PARD3: variants seen among roughly 807,000 people sequenced by gnomAD.
PARD3 encodes the protein partitioning defective 3 homolog.
A neutral mutation model predicts 155.4 loss-of-function variants in PARD3; 75 were observed. The observed-to-expected ratio is 0.48, with a 90% CI of 0.40 to 0.58. The LOEUF is 0.58. PARD3 is among the 20% of genes least tolerant of loss of function. The pLI, the probability that PARD3 is intolerant of heterozygous loss-of-function variation, is 0.00. For synonymous variants in PARD3, 576 were observed against 610.5 expected, an observed-to-expected ratio of 0.94 and a Z score of 0.83; for missense variants, 1,642 against 1,721.7, an observed-to-expected ratio of 0.95 and a Z score of 0.82.
chr10:34,794,195 T>C lies in PARD3; in HGVS notation c.120+20681A>G, dbSNP rs191674846. ...AGTGTCACCCTCAGTCCTGGCCATA[T>C]ACTCAGTACAGGGATGGCCACATAA... On this transcript the variant is annotated intron_variant, in intron 1 of 24. Transcript: ENST00000374788. 2.1e-3 allele frequency among the ~76,000 whole-genome samples: 318 copies of C among 152,248 alleles called. 1 individual carries two copies. The highest frequency in any genetic ancestry group is 3.4e-3 in the Middle Eastern group (1 of 294).
Position 34,264,759 on chromosome 10 carries a change from T to G in PARD3, c.3419+4898A>C, listed in dbSNP as rs1955211632. On this transcript the variant is annotated intron_variant, in intron 22 of 24. Transcript: ENST00000374788. ...GAAAAAAACTGGGATTTTTTTTTTT[T>G]TTTTTTAAGAGACAGAATCTTATTC... 2.6e-5 allele frequency among the ~76,000 whole-genome samples: 4 copies of G among 151,986 alleles called. No individual in the cohort carries two copies. The South Asian group carries it at 8.3e-4, about 32-fold the overall frequency.
chr10:34,142,794 G>A (rs1271860191), intron 22 of PARD3, among the ~76,000 whole-genome samples: 3 of 152,138 alleles, frequency 2.0e-5, no homozygotes, highest in Admixed American at 6.5e-5. Flanking sequence ...TGGCAAGGAC[G>A]TGTAAGGGAT....
At chr10:34,761,362 A>T (rs1837417994) in intron 1 of PARD3, among the ~76,000 whole-genome samples, 1 of 152,108 alleles carries the variant, frequency 6.6e-6, no homozygotes, top group South Asian at 2.1e-4. Context: ...AGTGAACCAC[A>T]ATCACACCAC....
intron 2 of PARD3, among the ~76,000 whole-genome samples, chr10:34,519,217 G>A (rs1281647095): frequency 1.3e-5 from 2 of 152,090 alleles, no homozygotes; most frequent in East Asian, 3.9e-4. Context: ...TAGAAAAAGG[G>A]CATTAGTGAA....
chr10:34,742,847 C>T (rs1564569928), intron 1 of PARD3, among the ~76,000 whole-genome samples: 1 of 152,164 alleles, frequency 6.6e-6, no homozygotes, highest in Non-Finnish European at 1.5e-5. Context: ...CTACAATCAC[C>T]AACAAGGCAC....
chr10:34,717,181 A>G (rs2094534492), intron 1 of PARD3, among the ~76,000 whole-genome samples: 1 of 152,096 alleles, frequency 6.6e-6, no homozygotes, highest in African/African-American at 2.4e-5. Flanking sequence ...AAAGGACAAT[A>G]AAATGACTCT....
At chr10:34,425,643 T>G (rs984624593) in intron 5 of PARD3, among the ~76,000 whole-genome samples, 1 of 152,144 alleles carries the variant, frequency 6.6e-6, no homozygotes, top group African/African-American at 2.4e-5. Context: ...ATGATCCTGC[T>G]GCCTTGGCCT....
intron 2 of PARD3, among the ~76,000 whole-genome samples, chr10:34,580,587 T>C (rs1240738547): frequency 6.6e-6 from 1 of 152,158 alleles, no homozygotes; most frequent in African/African-American, 2.4e-5. Flanking sequence ...AAAAGCATTT[T>C]AATATGTTTA....
chr10:34,448,896 T>C (rs1253603252), intron 5 of PARD3, among the ~76,000 whole-genome samples: 1 of 151,658 alleles, frequency 6.6e-6, no homozygotes, highest in Non-Finnish European at 1.5e-5. Context: ...ATTATATCTA[T>C]GTAATGTGAT....
intron 1 of PARD3, among the ~76,000 whole-genome samples, chr10:34,772,958 T>G (rs1564604918): frequency 6.6e-6 from 1 of 152,152 alleles, no homozygotes; most frequent in Non-Finnish European, 1.5e-5. Flanking sequence ...CCAAAATTAC[T>G]TCTCATTCAT....
chr10:34,800,582 G>A (rs914039719), intron 1 of PARD3, among the ~76,000 whole-genome samples: 2 of 152,070 alleles, frequency 1.3e-5, no homozygotes, highest in African/African-American at 4.8e-5. Context: ...CTGCACTCCA[G>A]CCTGGGTGAC....
chr10:34,471,510 T>C (rs2078342096), intron 3 of PARD3, among the ~76,000 whole-genome samples: 1 of 152,194 alleles, frequency 6.6e-6, no homozygotes, highest in Non-Finnish European at 1.5e-5. Context: ...TTTTAAAAAC[T>C]AGGATGTAAG....
intron 22 of PARD3, among the ~76,000 whole-genome samples, chr10:34,216,965 T>A (rs370909110): frequency 6.6e-6 from 1 of 152,204 alleles, no homozygotes; most frequent in African/African-American, 2.4e-5. Context: ...GAAAAAGAAA[T>A]GCTTTGATTT....
chr10:34,622,403 T>C (rs192721068), intron 2 of PARD3, among the ~76,000 whole-genome samples: 10 of 152,318 alleles, frequency 6.6e-5, no homozygotes, highest in Admixed American at 1.3e-4. Flanking sequence ...AAGCAAATTA[T>C]TTGTTTCCTT....
chr10:34,682,305 G>A (rs937409483), intron 2 of PARD3, among the ~76,000 whole-genome samples: 4 of 146,398 alleles, frequency 2.7e-5, no homozygotes, highest in African/African-American at 8.3e-5. Context: ...TGTAATCCCA[G>A]CTACTCAGGA....
intron 12 of PARD3, 21 bp downstream of exon 12, chr10:34,372,477 T>C: frequency 1.9e-6 from 3 of 1,591,108 alleles, no homozygotes; most frequent in Non-Finnish European, 2.6e-6. Context: ...CTCTGCATCC[T>C]TCAAAAGACA....
chr10:34,268,386 CTAGAACTAGAAATACCAT>C (rs1359657813), intron 22 of PARD3, among the ~76,000 whole-genome samples: 1 of 149,618 alleles, frequency 6.7e-6, no homozygotes, highest in Non-Finnish European at 1.5e-5. Context: ...CCTCAAGGAT[CTAGAACTAGAAATACCAT>C]TTGACCCAGC....
chr10:34,473,277 C>A (rs2078477798), intron 3 of PARD3, among the ~76,000 whole-genome samples: 1 of 152,184 alleles, frequency 6.6e-6, no homozygotes, highest in Non-Finnish European at 1.5e-5. Context: ...TACCTCGTCA[C>A]TGAGTACTCC....
At chr10:34,464,119 G>GAA (rs34445178) in intron 4 of PARD3, among the ~76,000 whole-genome samples, 6 of 145,324 alleles carry the variant, frequency 4.1e-5, no homozygotes, top group Middle Eastern at 3.5e-3. Context: ...GGTCCTGCGG[G>GAA]AAAAAAAAAA....
Sources: gnomAD v4.1 joint callset for allele counts (sites outside exome capture counted in the v4.1 genomes callset) on GRCh38, gnomAD v4.1.1 for gene constraint, MANE v1.5 for transcripts, NCBI Gene and HGNC (gene_info 2026-07-23, HGNC 2026-07-21) for gene names.